The following ZNF609 variants were observed in gnomAD, a reference collection of about 807,000 sequenced individuals.
ZNF609 encodes the protein zinc finger protein 609.
A neutral mutation model predicts 109.5 loss-of-function variants in ZNF609; 11 were observed. The observed-to-expected ratio is 0.10, with a 90% CI of 0.06 to 0.17. The LOEUF (loss-of-function observed/expected upper bound fraction) is 0.17, where lower values mean the gene tolerates loss of function less well. Ranked by LOEUF, ZNF609 falls within the 10% of genes least tolerant of loss-of-function variation. ZNF609 has a pLI of 1.00. For synonymous variants in ZNF609, 646 were observed against 662.0 expected (o/e 0.98, Z 0.37); for missense variants, 1,559 against 1,772.4 (o/e 0.88, Z 2.16).
At chr15:64,657,571 G>A (rs747439216) in intron 3 of ZNF609, among the ~76,000 whole-genome samples, 17 of 152,216 alleles carry the variant, frequency 1.1e-4, no homozygotes, top group Non-Finnish European at 1.9e-4. Context: ...CTGAGATCGC[G>A]CTACTGCACC....
At chr15:64,578,664 C>A (rs2140423759) in intron 2 of ZNF609, among the ~76,000 whole-genome samples, 1 of 152,188 alleles carries the variant, frequency 6.6e-6, no homozygotes, top group East Asian at 1.9e-4. Flanking sequence ...TGCACTCTAG[C>A]CTGGGCGACG....
Position 64,675,518 on chromosome 15 carries a change from C to T in ZNF609, c.2664C>T (p.Asp888=), listed in dbSNP as rs1337182077. The T allele has an allele frequency of 6.2e-7, 1 of 1,614,208 alleles. No homozygotes were observed. The highest frequency in any genetic ancestry group is 1.7e-5 in the Admixed American group (1 of 60,026). Reference sequence around the variant, plus strand: ...TTCCCCCTCAGCCTCAGAGCAAAGACTCACCATATTACCAAGGCTTTGAGA... The same window carrying T: ...TTCCCCCTCAGCCTCAGAGCAAAGATTCACCATATTACCAAGGCTTTGAGA... ...TLFPPQPQSK[D]SPYYQGFESY... The change falls in exon 5 of 10, where the codon GAC becomes GAT. Residue 888 remains aspartate, a synonymous_variant. Coordinates refer to ENST00000326648, the MANE Select transcript of ZNF609 (RefSeq NM_015042.2).
rs1270627526 is a variant in ZNF609, at chr15:64,685,924, C to G, written c.*4238C>G. 1.3e-5 allele frequency: 2 copies of G among 152,168 alleles called. No homozygotes were observed. Among genetic ancestry groups the G allele is most frequent in the Non-Finnish European group, 2.9e-5 (2 of 68,032 alleles). The allele number at this position is 152,168 out of a possible 1,614,324, so 9.4% of individuals were successfully genotyped here. On this transcript the variant is annotated 3_prime_UTR_variant, in exon 10 of 10. Transcript: ENST00000326648. Reference sequence around the variant, plus strand: ...GCCCAACCAAACCATTGTTTGGCCGCTTTCTCTTTTCCTCTACCTTCCTCA... The same window carrying G: ...GCCCAACCAAACCATTGTTTGGCCGGTTTCTCTTTTCCTCTACCTTCCTCA...
intron 3 of ZNF609, chr15:64,631,636 G>A (rs1483518236): frequency 3.0e-6 from 1 of 334,720 alleles, no homozygotes; most frequent in Non-Finnish European, 5.6e-6. Flanking sequence ...GGGTTCAAGC[G>A]ATTCTCCTGC....
At chr15:64,639,190 C>T (rs992821953) in intron 3 of ZNF609, among the ~76,000 whole-genome samples, 1 of 152,204 alleles carries the variant, frequency 6.6e-6, no homozygotes, top group Non-Finnish European at 1.5e-5. Context: ...CCACTGTTCT[C>T]CACCAACCCT....
At chr15:64,542,179 C>A (rs949481945) in intron 2 of ZNF609, among the ~76,000 whole-genome samples, 8 of 152,156 alleles carry the variant, frequency 5.3e-5, no homozygotes, top group Non-Finnish European at 1.2e-4. Flanking sequence ...CTAAAACCTA[C>A]TCCCCAGTAG....
intron 2 of ZNF609, among the ~76,000 whole-genome samples, chr15:64,579,758 C>G (rs893905776): frequency 6.6e-6 from 1 of 151,902 alleles, no homozygotes; most frequent in Non-Finnish European, 1.5e-5. Flanking sequence ...CTTCTTTGTC[C>G]TTTGTGCTAT....
chr15:64,593,860 A>G (rs556433923), intron 2 of ZNF609, among the ~76,000 whole-genome samples: 1 of 152,318 alleles, frequency 6.6e-6, no homozygotes, highest in African/African-American at 2.4e-5. Flanking sequence ...AACTCATTTC[A>G]TAGTATAATT....
rs34461479 is a variant in ZNF609, at chr15:64,541,426, CAA to C, written c.747+41278_747+41279del. ...TGGGCGACAGAGCGAGACTCCGTCTCAAAAAAAAAAAAAAAAAAAGAATTGCA... is the reference window on the plus strand; with the variant it reads ...TGGGCGACAGAGCGAGACTCCGTCTCAAAAAAAAAAAAAAAAAGAATTGCA... On this transcript the variant is annotated intron_variant, in intron 2 of 9. Coordinates refer to ENST00000326648, the MANE Select transcript of ZNF609 (RefSeq NM_015042.2). Among the ~76,000 whole-genome samples, 336 of 67,818 alleles carry C rather than the reference CAA, an allele frequency of 5.0e-3. 2 individuals carry two copies. Among genetic ancestry groups the C allele is most frequent in the African/African-American group, 0.015 (299 of 20,074 alleles). 44.5% of individuals were successfully genotyped at this position (67,818 alleles called of 152,430 possible). A position where few individuals can be genotyped will look rare whatever the true frequency, so the allele number is the denominator to read the frequency against.
At chr15:64,655,670 T>G (rs1165296601) in intron 3 of ZNF609, among the ~76,000 whole-genome samples, 4 of 145,680 alleles carry the variant, frequency 2.7e-5, no homozygotes, top group Admixed American at 1.4e-4. Flanking sequence ...CTACTAAAAA[T>G]ACAAAAAAAA....
intron 1 of ZNF609, among the ~76,000 whole-genome samples, chr15:64,496,031 C>T (rs1386511767): frequency 1.3e-5 from 2 of 152,076 alleles, no homozygotes; most frequent in Non-Finnish European, 2.9e-5. Context: ...GTTGGCCAGG[C>T]TGGTCTTGAA....
At chr15:64,601,940 C>G (rs1004434381) in intron 2 of ZNF609, among the ~76,000 whole-genome samples, 1 of 152,170 alleles carries the variant, frequency 6.6e-6, no homozygotes, top group Non-Finnish European at 1.5e-5. Context: ...CTGACCCTGT[C>G]ACTTAATAAC....
In ZNF609 at chr15:64,623,015, C is replaced by A. The variant is rs199805911; in HGVS notation, c.936C>A (p.Val312=). Residue 312 remains valine, a synonymous_variant, in exon 3 of 10, where the codon GTC becomes GTA. Transcript: ENST00000326648. ...GCCCCTGTGAACCTGGAACTAGCGT[C>A]AACCTTGAAGGCATCGTGTGGCAGG... is the stretch of plus-strand genomic sequence containing the variant. ...CLGPCEPGTS[V]NLEGIVWQET... 223 of 1,614,228 alleles carry A rather than the reference C, an allele frequency of 1.4e-4. No homozygotes were observed. Among genetic ancestry groups the A allele is most frequent in the Admixed American group, 1.3e-4 (8 of 60,026 alleles).
intron 2 of ZNF609, among the ~76,000 whole-genome samples, chr15:64,515,904 C>T (rs1047809713): frequency 6.7e-6 from 1 of 150,268 alleles, no homozygotes; most frequent in African/African-American, 2.5e-5. Context: ...CGCCATTGCA[C>T]TCCAGCTTGG....
chr15:64,634,152 TG>T (rs1218330491), intron 3 of ZNF609, among the ~76,000 whole-genome samples: 2 of 151,762 alleles, frequency 1.3e-5, no homozygotes, highest in Non-Finnish European at 2.9e-5. Context: ...ATGAAGAGGG[TG>T]GGTAAGTAGC....
intron 3 of ZNF609, among the ~76,000 whole-genome samples, chr15:64,625,345 C>G (rs1348673327): frequency 6.6e-6 from 1 of 151,762 alleles, no homozygotes; most frequent in African/African-American, 2.4e-5. Context: ...ATAGTGAAAC[C>G]CTATCTCTAC....
At chr15:64,528,385 T>C (rs1894003296) in intron 2 of ZNF609, among the ~76,000 whole-genome samples, 1 of 146,434 alleles carries the variant, frequency 6.8e-6, no homozygotes, top group East Asian at 1.9e-4. Flanking sequence ...AAAAAATTTA[T>C]TATTATTATT....
At chr15:64,653,388 T>C (rs1896445109) in intron 3 of ZNF609, among the ~76,000 whole-genome samples, 2 of 152,204 alleles carry the variant, frequency 1.3e-5, no homozygotes, top group Non-Finnish European at 2.9e-5. Flanking sequence ...CTCACGCCTG[T>C]AATCCTAGCA....
At chr15:64,639,921 G>C (rs889942577) in intron 3 of ZNF609, among the ~76,000 whole-genome samples, 1 of 151,762 alleles carries the variant, frequency 6.6e-6, no homozygotes, top group African/African-American at 2.4e-5. Flanking sequence ...TTTTTGCTTT[G>C]TTTTGTTTTG....
Sources: gnomAD v4.1 joint callset for allele counts (sites outside exome capture counted in the v4.1 genomes callset) on GRCh38, gnomAD v4.1.1 for gene constraint, MANE v1.5 for transcripts, NCBI Gene and HGNC (gene_info 2026-07-23, HGNC 2026-07-21) for gene names.